TMEM135: variants seen among roughly 807,000 people sequenced by gnomAD.
The protein encoded by TMEM135 is peroxisomal membrane protein 52.
TMEM135 carries 30 observed loss-of-function variants against 60.3 expected under a neutral mutation model. The ratio of observed to expected loss-of-function variants is 0.50; its 90% CI spans 0.37 to 0.68. TMEM135 has a LOEUF of 0.68. Ranked by LOEUF, TMEM135 falls within the 30% of genes least tolerant of loss-of-function variation. The probability of loss-of-function intolerance (pLI) is 0.00; values close to 1 mark genes in which losing one functional copy is unlikely to be tolerated. For missense variants in TMEM135, 468 were observed against 548.8 expected (o/e 0.85, Z 1.47); for synonymous variants, 190 against 186.7 (o/e 1.02, Z -0.14).
intron 1 of TMEM135, among the ~76,000 whole-genome samples, chr11:87,057,817 T>TTGTGTG (rs1555097132): frequency 7.4e-5 from 11 of 149,376 alleles, no homozygotes; most frequent in African/African-American, 2.2e-4. Context: ...GTGTGTGTGT[T>TTGTGTG]TGTGTGTGTG....
chr11:87,256,765 A>G (rs1941535547), intron 6 of TMEM135, among the ~76,000 whole-genome samples: 1 of 152,158 alleles, frequency 6.6e-6, no homozygotes, highest in South Asian at 2.1e-4. Flanking sequence ...AAAGACAAGT[A>G]ACTACCAGCT....
At chr11:87,176,419 C>A (rs964530856) in intron 5 of TMEM135, among the ~76,000 whole-genome samples, 3 of 151,936 alleles carry the variant, frequency 2.0e-5, no homozygotes, top group Non-Finnish European at 4.4e-5. Context: ...CAAATGAATC[C>A]CTTTTTAAAA....
Position 87,322,225 on chromosome 11 carries a change from G to T in TMEM135, c.*892G>T. The T allele has an allele frequency of 2.2e-6, 1 of 454,364 alleles. No individual in the cohort carries two copies. The highest frequency in any genetic ancestry group is 4.4e-6 in the Non-Finnish European group (1 of 226,738). The allele number at this position is 454,364 out of a possible 1,614,324, so 28.1% of individuals were successfully genotyped here. A position where few individuals can be genotyped will look rare whatever the true frequency, so the allele number is the denominator to read the frequency against. ...TATATGCCATTGTTGTATTAGAAGGGATCAAAATCCTATGGAACAAAGTAG... is the reference window on the plus strand; with the variant it reads ...TATATGCCATTGTTGTATTAGAAGGTATCAAAATCCTATGGAACAAAGTAG... On this transcript the variant is annotated 3_prime_UTR_variant, in exon 15 of 15. Transcript: ENST00000305494.
chr11:87,163,914 A>G (rs1259447913), intron 5 of TMEM135, among the ~76,000 whole-genome samples: 134 of 147,894 alleles, frequency 9.1e-4, no homozygotes, highest in Non-Finnish European at 9.1e-4. Flanking sequence ...ATTTGTTTGA[A>G]TTCATTGTAG....
intron 1 of TMEM135, among the ~76,000 whole-genome samples, chr11:87,057,884 A>G (rs376285136): frequency 6.6e-6 from 1 of 152,216 alleles, no homozygotes; most frequent in East Asian, 1.9e-4. Flanking sequence ...CAAGATCTGC[A>G]GTTGGCATGC....
rs571929678 is a variant in TMEM135, at chr11:87,252,958, GAGA to G, written c.509+16280_509+16282del. On this transcript the variant is annotated intron_variant, in intron 6 of 14. Transcript: ENST00000305494. ...ACCAAAAATGCAAAATTTGTTCAAT[GAGA>G]AGAAGTATTGAGATTGTTAGGAGTG... Among the ~76,000 whole-genome samples the G allele has an allele frequency of 4.3e-4, 65 of 152,036 alleles. No homozygotes were observed. The South Asian group carries it at 0.01, about 24-fold the overall frequency.
chr11:87,220,267 A>G (rs1462817147), intron 5 of TMEM135, among the ~76,000 whole-genome samples: 2 of 152,220 alleles, frequency 1.3e-5, no homozygotes, highest in African/African-American at 2.4e-5. Context: ...ATTTGTTATT[A>G]AAGACAGAAT....
chr11:87,265,694 A>AG (rs1941734343), intron 6 of TMEM135, among the ~76,000 whole-genome samples: 1 of 152,100 alleles, frequency 6.6e-6, no homozygotes, highest in East Asian at 1.9e-4. Context: ...ACTTTAAAAT[A>AG]GTGTTTAGGT....
chr11:87,309,790 A>G, intron 10 of TMEM135, 118 bp downstream of exon 10: 1 of 1,113,690 alleles, frequency 9.0e-7, no homozygotes, highest in Non-Finnish European at 1.3e-6. Context: ...ATTCATACAT[A>G]TCTTGACATA....
At chr11:87,081,304 T>G (rs950973751) in intron 3 of TMEM135, among the ~76,000 whole-genome samples, 1 of 152,092 alleles carries the variant, frequency 6.6e-6, no homozygotes, top group African/African-American at 2.4e-5. Context: ...GTTTGATTTT[T>G]TTTGTTTTGT....
At chr11:87,142,693 C>T (rs968890310) in intron 4 of TMEM135, among the ~76,000 whole-genome samples, 33 of 151,492 alleles carry the variant, frequency 2.2e-4, no homozygotes, top group Admixed American at 6.6e-5. Flanking sequence ...ATTTCCTCCT[C>T]CTCCTCCTCC....
At chr11:87,122,431 G>GTT (rs1565450461) in intron 4 of TMEM135, among the ~76,000 whole-genome samples, 33 of 88,194 alleles carry the variant, frequency 3.7e-4, no homozygotes, top group African/African-American at 2.4e-3. Flanking sequence ...TTATCATTTA[G>GTT]TTTTTATATT....
intron 4 of TMEM135, among the ~76,000 whole-genome samples, chr11:87,138,088 CTTTTT>C (rs10671410): frequency 7.3e-6 from 1 of 137,922 alleles, no homozygotes; most frequent in East Asian, 2.2e-4. Context: ...AAGTTGATTT[CTTTTT>C]TTTTTTTTTT....
intron 4 of TMEM135, among the ~76,000 whole-genome samples, chr11:87,112,420 C>T (rs1209912654): frequency 6.6e-6 from 1 of 152,112 alleles, no homozygotes; most frequent in Non-Finnish European, 1.5e-5. Flanking sequence ...AACCGTATTT[C>T]ACAGAGTTTT....
At chr11:87,241,113 C>T (rs1343104042) in intron 6 of TMEM135, among the ~76,000 whole-genome samples, 3 of 152,176 alleles carry the variant, frequency 2.0e-5, no homozygotes, top group Non-Finnish European at 4.4e-5. Context: ...TTATTAGTCT[C>T]AAGGTGTAGA....
intron 4 of TMEM135, chr11:87,096,144 G>A: frequency 3.3e-6 from 1 of 306,062 alleles, no homozygotes; most frequent in Admixed American, 3.6e-5. Flanking sequence ...CAGTGTTGAT[G>A]CTGAAACAGG....
intron 14 of TMEM135, among the ~76,000 whole-genome samples, chr11:87,320,653 A>G (rs1249722511): frequency 6.6e-6 from 1 of 152,172 alleles, no homozygotes; most frequent in African/African-American, 2.4e-5. Context: ...GGATAACGTT[A>G]GGGTATATTT....
Position 87,071,547 on chromosome 11 carries a change from A to G in TMEM135, c.294A>G (p.Ser98=). 1 of 1,614,014 alleles carries G rather than the reference A, an allele frequency of 6.2e-7. No individual in the cohort carries two copies. The highest frequency in any genetic ancestry group is 8.5e-7 in the Non-Finnish European group (1 of 1,179,980). The change falls in exon 3 of 15, where the codon TCA becomes TCG. Residue 98 remains serine, a synonymous_variant. Transcript: ENST00000305494. The part of the protein sequence containing the change: ...ILRKILGKFY[S]WTPGFGAALP... ...GGAAGATACTTGGAAAATTCTACTCATGGACTCCTGGCTTTGGTGCCGCTC... is the reference window on the plus strand; with the variant it reads ...GGAAGATACTTGGAAAATTCTACTCGTGGACTCCTGGCTTTGGTGCCGCTC...
intron 4 of TMEM135, chr11:87,095,641 AT>A: frequency 4.9e-6 from 1 of 202,808 alleles, no homozygotes; most frequent in Non-Finnish European, 1.1e-5. Flanking sequence ...TGTACTGACC[AT>A]TTTGGATACT....
Sources: gnomAD v4.1 joint callset for allele counts (sites outside exome capture counted in the v4.1 genomes callset) on GRCh38, gnomAD v4.1.1 for gene constraint, MANE v1.5 for transcripts, NCBI Gene and HGNC (gene_info 2026-07-23, HGNC 2026-07-21) for gene names.